The following TUBE1 variants were observed in gnomAD, a reference collection of about 807,000 sequenced individuals.
TUBE1 encodes tubulin epsilon 1, also known as tubulin epsilon chain.
Under a neutral mutation model 53.5 loss-of-function variants are expected in TUBE1, and 34 were observed. The observed-to-expected ratio is 0.64, with a 90% confidence interval of 0.48 to 0.85. The LOEUF is 0.85. Ranked by LOEUF, TUBE1 falls within the 40% of genes least tolerant of loss-of-function variation. The pLI is 0.00. For synonymous variants in TUBE1, 177 were observed against 198.4 expected (o/e 0.89, Z 0.91); for missense variants, 532 against 570.5 (o/e 0.93, Z 0.69).
chr6:112,078,013 C>A (rs1777001194), intron 6 of TUBE1: 1 of 151,964 alleles, frequency 6.6e-6, no homozygotes, highest in Non-Finnish European at 1.5e-5. Flanking sequence ...TAAAGATGCT[C>A]AACCTTTCTT....
At chr6:112,079,592 T>C (rs370589464) in intron 6 of TUBE1, 41 bp downstream of exon 6, 1 of 1,596,804 alleles carries the variant, frequency 6.3e-7, no homozygotes, top group Non-Finnish European at 8.5e-7. Context: ...TTCCCACTTA[T>C]CCTTTAACAC....
At position 112,086,539 on chromosome 6, in the gene TUBE1, C is replaced by T. The variant is rs781873952; in HGVS notation, c.152+17G>A. The T allele has an allele frequency of 1.9e-6, 3 of 1,604,372 alleles. No homozygotes were observed. The East Asian group carries it at 6.7e-5, about 36-fold the overall frequency. ...ACTTAAAGTATCACACTGTGACAGA[C>T]TTTAATCCCATCTTACCTGGTGTCC... is the stretch of plus-strand genomic sequence containing the variant. On this transcript the variant is annotated intron_variant, in intron 3 of 11. Coordinates refer to ENST00000368662, the MANE Select transcript of TUBE1 (RefSeq NM_016262.5).
chr6:112,073,319 T>C (rs886900605), intron 9 of TUBE1, among the ~76,000 whole-genome samples: 2 of 152,176 alleles, frequency 1.3e-5, no homozygotes, highest in African/African-American at 4.8e-5. Flanking sequence ...CTTTGTAAAG[T>C]ATATTATATC....
At position 112,076,518 on chromosome 6, in the gene TUBE1, T is replaced by A; in HGVS notation, c.449-9A>T. The stretch of plus-strand genomic sequence containing the variant: ...AAGTCCAGATCCTGTTCCTGAGGAT[T>A]AAAGTGTTTTTAAAAATTAGCATAA... On this transcript the variant is annotated splice_polypyrimidine_tract_variant and intron_variant, in intron 6 of 11. Transcript: ENST00000368662. The A allele has an allele frequency of 6.4e-7, 1 of 1,564,480 alleles. No individual in the cohort carries two copies. The highest frequency in any genetic ancestry group is 1.2e-5 in the South Asian group (1 of 83,890).
chr6:112,081,262 C>T lies in TUBE1; in HGVS notation c.211-55G>A, dbSNP rs587599146. ...GTATTTTCTTTTAGAGTTATTCACT[C>T]TGTAAATGAAAAGAATTTATGCGCT... On this transcript the variant is annotated intron_variant, in intron 4 of 11. Transcript: ENST00000368662. 2.2e-4 allele frequency: 217 copies of T among 987,750 alleles called. No individual in the cohort carries two copies. The African/African-American group carries it at 3.2e-3, about 15-fold the overall frequency. The allele number at this position is 987,750 out of a possible 1,614,324, so 61.2% of individuals were successfully genotyped here. A position where few individuals can be genotyped will look rare whatever the true frequency, so the allele number is the denominator to read the frequency against.
intron 2 of TUBE1, 89 bp from the exon 3 acceptor site, chr6:112,086,697 TGGC>T: frequency 2.5e-6 from 2 of 805,474 alleles, no homozygotes; most frequent in Non-Finnish European, 4.0e-6. Context: ...AATACTGTAA[TGGC>T]TAGGATGAGA....
chr6:112,085,302 C>T (rs1388031117), intron 3 of TUBE1: 1 of 160,766 alleles, frequency 6.2e-6, no homozygotes. Flanking sequence ...GAAAGAAGTG[C>T]AAGATGCCAC....
Position 112,084,238 on chromosome 6 carries a change from C to T in TUBE1, c.161G>A (p.Gly54Asp), listed in dbSNP as rs781995006. ...TCCCTTGGAAATACTTCCACCATCA[C>T]CAACCACTCTGAAAGATAAAAAAAT... ...FFRNVDTRVV[G>D]DGGSISKGKI... The change falls in exon 4 of 12, where the codon GGT becomes GAT. Residue 54 changes from glycine to aspartate, a missense_variant. Transcript: ENST00000368662. The T allele has an allele frequency of 8.1e-6, 13 of 1,613,160 alleles. No individual in the cohort carries two copies. The highest frequency in any genetic ancestry group is 1.0e-5 in the Non-Finnish European group (12 of 1,179,270).
chr6:112,076,169 A>G, intron 7 of TUBE1, 57 bp from the exon 8 acceptor site: 7 of 1,500,036 alleles, frequency 4.7e-6, no homozygotes, highest in Non-Finnish European at 6.3e-6. Context: ...TGTAGATGAT[A>G]TTCTACTAGG....
At chr6:112,078,498 A>C (rs1777011668) in intron 6 of TUBE1, 1 of 152,068 alleles carries the variant, frequency 6.6e-6, no homozygotes, top group Non-Finnish European at 1.5e-5. Flanking sequence ...TTTGATAGGC[A>C]TAGAATATAT....
intron 8 of TUBE1, 74 bp from the exon 9 acceptor site, chr6:112,074,924 C>T (rs1554315817): frequency 3.8e-6 from 4 of 1,064,766 alleles, no homozygotes. Context: ...TCGATTTATT[C>T]AGCAGGTAGT....
rs934260105 is a variant in TUBE1, at chr6:112,085,391, G to A, written c.153-1145C>T. ...TAAAACACACAGAGTAGATGAGAGT[G>A]TAGTTATGAAGAGTCACCTTATGAA... On this transcript the variant is annotated intron_variant, in intron 3 of 11. Coordinates refer to ENST00000368662, the MANE Select transcript of TUBE1 (RefSeq NM_016262.5). 3.0e-5 allele frequency: 7 copies of A among 229,610 alleles called. No individual in the cohort carries two copies. The Admixed American group carries it at 3.6e-4, about 12-fold the overall frequency. The allele number at this position is 229,610 out of a possible 1,614,324, so 14.2% of individuals were successfully genotyped here. A position where few individuals can be genotyped will look rare whatever the true frequency, so the allele number is the denominator to read the frequency against.
At chr6:112,080,762 T>C (rs190374290) in intron 5 of TUBE1, among the ~76,000 whole-genome samples, 41 of 152,222 alleles carry the variant, frequency 2.7e-4, no homozygotes, top group African/African-American at 5.8e-4. Context: ...ATCTGACCAA[T>C]TGGACAACTT....
chr6:112,085,779 G>A (rs906409110), intron 3 of TUBE1: 2 of 465,132 alleles, frequency 4.3e-6, no homozygotes, highest in East Asian at 1.4e-4. Context: ...ATGAAAATGA[G>A]AATTTGGTCT....
At chr6:112,072,601 T>G (rs372125733) in intron 10 of TUBE1, among the ~76,000 whole-genome samples, 157 bp downstream of exon 10, 69 of 152,248 alleles carry the variant, frequency 4.5e-4, no homozygotes, top group African/African-American at 1.6e-3. Flanking sequence ...TATTTTACAC[T>G]TGAAGAAAAC....
chr6:112,071,874 TAC>T lies in TUBE1; in HGVS notation c.1269+26_1269+27del, dbSNP rs587614271. On this transcript the variant is annotated intron_variant, in intron 11 of 11. Transcript: ENST00000368662. The stretch of plus-strand genomic sequence containing the variant: ...ATCTTAAATAGCCAAAATAAACACA[TAC>T]AGTTACAAAGCTGTACAATAATTAC... 2.9e-4 allele frequency: 450 copies of T among 1,561,138 alleles called. 2 individuals carry two copies. In the East Asian group the frequency reaches 8.1e-3, roughly 28 times the overall value.
At chr6:112,079,460 T>G (rs1456561203) in intron 6 of TUBE1, 173 bp downstream of exon 6, 3 of 466,148 alleles carry the variant, frequency 6.4e-6, no homozygotes, top group Non-Finnish European at 1.1e-5. Flanking sequence ...AATAGTGACA[T>G]AATTCCACAA....
chr6:112,085,582 T>C (rs879958722), intron 3 of TUBE1: 6 of 453,046 alleles, frequency 1.3e-5, no homozygotes, highest in Non-Finnish European at 2.3e-5. Context: ...GGTGAGGATA[T>C]TGTGGGCTAC....
chr6:112,074,843 T>C lies in TUBE1; in HGVS notation c.820A>G (p.Arg274Gly), dbSNP rs781891995. The C allele has an allele frequency of 1.3e-6, 2 of 1,577,558 alleles. No individual in the cohort carries two copies. Among genetic ancestry groups the C allele is most frequent in the East Asian group, 2.3e-5 (1 of 44,336 alleles). ...NLLLNLTSSA[R>G]FEGSLNMDLN... ...TCCATATTAAGGGACCCTTCAAATC[T>C]TGCAGAGCTAAAAAGTTAACATTAA... is the stretch of plus-strand genomic sequence containing the variant. The change falls in exon 9 of 12, where the codon AGA becomes GGA. Residue 274 changes from arginine (R) to glycine (G), a missense_variant. Transcript: ENST00000368662.
Sources: gnomAD v4.1 joint callset for allele counts (sites outside exome capture counted in the v4.1 genomes callset) on GRCh38, gnomAD v4.1.1 for gene constraint, MANE v1.5 for transcripts, NCBI Gene and HGNC (gene_info 2026-07-23, HGNC 2026-07-21) for gene names.